Variants in GRIA1 observed in about 807,000 individuals in gnomAD.
GRIA1 encodes the protein glutamate receptor 1.
GRIA1 carries 31 observed loss-of-function variants against 99.2 expected under a neutral mutation model. That is an observed-to-expected ratio of 0.31 (90% confidence interval 0.23 to 0.42). The LOEUF is 0.42. Among genes scored for constraint, GRIA1 ranks in the 10% least tolerant of loss-of-function variants. GRIA1 has a pLI of 1.00. For synonymous variants in GRIA1, 438 were observed against 432.4 expected (o/e 1.01, Z -0.16); for missense variants, 782 against 1,157.5 (o/e 0.68, Z 4.71).
intron 2 of GRIA1, among the ~76,000 whole-genome samples, chr5:153,520,020 C>T (rs1256019616): frequency 6.6e-6 from 1 of 152,138 alleles, no homozygotes; most frequent in Non-Finnish European, 1.5e-5. Context: ...TCTGTGATTT[C>T]ATGGCCTGTT....
At chr5:153,795,082 T>C (rs564523591) in intron 14 of GRIA1, among the ~76,000 whole-genome samples, 1 of 152,164 alleles carries the variant, frequency 6.6e-6, no homozygotes, top group Non-Finnish European at 1.5e-5. Flanking sequence ...GCCCTTTTTT[T>C]CAAAGGGCCT....
intron 2 of GRIA1, among the ~76,000 whole-genome samples, chr5:153,540,671 G>GA (rs1197481134): frequency 2.0e-5 from 3 of 152,024 alleles, no homozygotes; most frequent in African/African-American, 7.2e-5. Flanking sequence ...AAATTTAAGG[G>GA]AAAAAATAAA....
chr5:153,798,462 T>A (rs1765785291), intron 14 of GRIA1, among the ~76,000 whole-genome samples: 1 of 152,202 alleles, frequency 6.6e-6, no homozygotes, highest in Non-Finnish European at 1.5e-5. Context: ...AAAATCCAGG[T>A]GTAAACATAA....
At chr5:153,492,358 A>C (rs760517136) in intron 1 of GRIA1, 1 of 1,474,794 alleles carries the variant, frequency 6.8e-7, no homozygotes, top group Non-Finnish European at 9.0e-7. Flanking sequence ...TCCTGCCTTC[A>C]GGGGAGACAC....
intron 11 of GRIA1, among the ~76,000 whole-genome samples, chr5:153,750,017 G>A (rs1762408747): frequency 6.6e-6 from 1 of 152,096 alleles, no homozygotes; most frequent in South Asian, 2.1e-4. Flanking sequence ...CTGGAGTGCT[G>A]GAACACAGTG....
intron 11 of GRIA1, among the ~76,000 whole-genome samples, chr5:153,749,741 C>CAG (rs1762389872): frequency 6.6e-6 from 1 of 151,942 alleles, no homozygotes; most frequent in Non-Finnish European, 1.5e-5. Flanking sequence ...CAAACTATAT[C>CAG]AGAGAGTGAA....
At chr5:153,519,560 G>T (rs1271462761) in intron 2 of GRIA1, among the ~76,000 whole-genome samples, 1 of 152,058 alleles carries the variant, frequency 6.6e-6, no homozygotes, top group Non-Finnish European at 1.5e-5. Context: ...AATAAAGCCA[G>T]TTACCCTGCC....
intron 11 of GRIA1, among the ~76,000 whole-genome samples, chr5:153,720,287 A>G (rs1759962324): frequency 6.6e-6 from 1 of 152,226 alleles, no homozygotes; most frequent in African/African-American, 2.4e-5. Flanking sequence ...TAAAGGACTA[A>G]TGTTTAGACT....
intron 11 of GRIA1, among the ~76,000 whole-genome samples, chr5:153,719,784 G>T (rs533846746): frequency 6.6e-6 from 1 of 152,144 alleles, no homozygotes; most frequent in Admixed American, 6.5e-5. Context: ...GGGGTATTGT[G>T]ACCATCTTTG....
upstream of GRIA1, chr5:153,490,316 G>C (rs1449224141): frequency 5.9e-6 from 1 of 169,716 alleles, no homozygotes; most frequent in Non-Finnish European, 1.3e-5. Flanking sequence ...CTGGGGGCTG[G>C]GGGAGCGGGC....
intron 7 of GRIA1, among the ~76,000 whole-genome samples, chr5:153,678,788 C>T (rs1486389734): frequency 1.3e-5 from 2 of 152,190 alleles, no homozygotes; most frequent in Non-Finnish European, 2.9e-5. Context: ...TTCAGGGTGG[C>T]AGGAAGGACT....
At position 153,732,928 on chromosome 5, in the gene GRIA1, T is replaced by C. The variant is rs1761141961; in HGVS notation, c.1823+26861T>C. Among the ~76,000 whole-genome samples the C allele has an allele frequency of 2.0e-5, 3 of 150,420 alleles. No individual in the cohort carries two copies. In the South Asian group the frequency reaches 6.3e-4, roughly 32 times the overall value. On this transcript the variant is annotated intron_variant, in intron 11 of 15. Transcript: ENST00000285900. The stretch of plus-strand genomic sequence containing the variant: ...GTACAAAATAAGAGTTAAATTTCTT[T>C]TTTTTTTTTTTCTTTGCATGTGGAC...
At chr5:153,798,374 G>T (rs988950057) in intron 14 of GRIA1, among the ~76,000 whole-genome samples, 3 of 152,178 alleles carry the variant, frequency 2.0e-5, no homozygotes, top group African/African-American at 7.2e-5. Flanking sequence ...AAGCTAATGG[G>T]TGGACCTTTC....
intron 2 of GRIA1, among the ~76,000 whole-genome samples, chr5:153,578,117 C>T (rs1445196095): frequency 2.2e-5 from 3 of 137,584 alleles, no homozygotes; most frequent in Non-Finnish European, 4.6e-5. Context: ...CACCATTGCG[C>T]CCCAGCCTGA....
chr5:153,675,507 C>A (rs1371832411), intron 6 of GRIA1, among the ~76,000 whole-genome samples: 1 of 152,156 alleles, frequency 6.6e-6, no homozygotes, highest in African/African-American at 2.4e-5. Flanking sequence ...TGAAGTCAAA[C>A]CAGATAGATT....
rs549649509 is a variant in GRIA1, at chr5:153,544,124, A to G, written c.220+50059A>G. Reference sequence around the variant, plus strand: ...ATCCCACAGGGGAGTTTAAAAGTCAAATGAGGAATGATATCACTGTGATAA... The same window carrying G: ...ATCCCACAGGGGAGTTTAAAAGTCAGATGAGGAATGATATCACTGTGATAA... On this transcript the variant is annotated intron_variant, in intron 2 of 15. Transcript: ENST00000285900. Among the ~76,000 whole-genome samples, 6 of 152,258 alleles carry G rather than the reference A, an allele frequency of 3.9e-5. No homozygotes were observed. The South Asian group carries it at 1.2e-3, about 32-fold the overall frequency.
In GRIA1 at chr5:153,490,792, G is replaced by T. The variant is rs990289481; in HGVS notation, c.-97G>T. ...CAAGGAAGGAACTGCAGGAGGAAAA[G>T]AACAGGCAGAACAGCGAGAAGAATA... On this transcript the variant is annotated 5_prime_UTR_variant, in exon 1 of 16. Coordinates refer to ENST00000285900, the MANE Select transcript of GRIA1 (RefSeq NM_000827.4). 1.0e-5 allele frequency: 9 copies of T among 904,454 alleles called. No homozygotes were observed. Among genetic ancestry groups the T allele is most frequent in the East Asian group, 9.6e-5 (4 of 41,558 alleles). 56.0% of individuals were successfully genotyped at this position (904,454 alleles called of 1,614,324 possible).
At chr5:153,610,647 C>G (rs1159987182) in intron 2 of GRIA1, among the ~76,000 whole-genome samples, 3 of 152,162 alleles carry the variant, frequency 2.0e-5, no homozygotes, top group Non-Finnish European at 4.4e-5. Flanking sequence ...CCTTATTCTA[C>G]TATTTATTAG....
intron 2 of GRIA1, among the ~76,000 whole-genome samples, chr5:153,618,613 A>T (rs1460735084): frequency 6.6e-6 from 1 of 152,188 alleles, no homozygotes; most frequent in Non-Finnish European, 1.5e-5. Flanking sequence ...GGACCGAAAC[A>T]AAGAAATGAA....
Sources: gnomAD v4.1 joint callset for allele counts (sites outside exome capture counted in the v4.1 genomes callset) on GRCh38, gnomAD v4.1.1 for gene constraint, MANE v1.5 for transcripts, NCBI Gene and HGNC (gene_info 2026-07-23, HGNC 2026-07-21) for gene names.